The following NDUFAF7 variants were observed in gnomAD, a reference collection of about 807,000 sequenced individuals.
NDUFAF7 encodes NADH:ubiquinone oxidoreductase complex assembly factor 7.
Under a neutral mutation model 47.2 loss-of-function variants are expected in NDUFAF7, and 48 were observed. The ratio of observed to expected loss-of-function variants is 1.02; its 90% confidence interval spans 0.81 to 1.29. The LOEUF (loss-of-function observed/expected upper bound fraction) is 1.29. Ranked by LOEUF, NDUFAF7 falls within the 50% of genes most tolerant of loss-of-function variation. NDUFAF7 has a pLI of 0.00. For synonymous variants in NDUFAF7, 217 were observed against 190.0 expected (o/e 1.14, Z -1.17); for missense variants, 635 against 537.6 (o/e 1.18, Z -1.79).
the NDUFAF7 span, among the ~76,000 whole-genome samples, chr2:37,266,086 T>C: frequency 6.6e-6 from 1 of 152,230 alleles, no homozygotes; most frequent in South Asian, 2.1e-4. Flanking sequence ...TAATATTCTA[T>C]TTAAAGGTAG....
the NDUFAF7 span, chr2:37,267,530 T>A: frequency 6.2e-7 from 1 of 1,601,514 alleles, no homozygotes; most frequent in South Asian, 1.1e-5. Flanking sequence ...AGTCTTTCTA[T>A]GTTTTCCTAT....
In NDUFAF7 at chr2:37,247,498, G is replaced by A. The variant is rs1449217623; in HGVS notation, c.979G>A (p.Gly327Arg). The change falls in exon 9 of 10, where the codon GGA (glycine) becomes AGA (arginine). Residue 327 changes from glycine to arginine, a missense_variant. Coordinates refer to ENST00000002125, the MANE Select transcript of NDUFAF7 (RefSeq NM_144736.5). ...GCTTCATGATGTCTTAATTGCCCCAGGAACAGCAGATCTAACAGCTGATGT... is the reference window on the plus strand; with the variant it reads ...GCTTCATGATGTCTTAATTGCCCCAAGAACAGCAGATCTAACAGCTGATGT... Reference protein sequence around the residue: ...HKLHDVLIAPGTADLTADVDF... With the variant: ...HKLHDVLIAPRTADLTADVDF... 1.2e-6 allele frequency: 2 copies of A among 1,613,908 alleles called. No individual in the cohort carries two copies. Among genetic ancestry groups the A allele is most frequent in the African/African-American group, 2.7e-5 (2 of 74,902 alleles).
downstream of NDUFAF7, chr2:37,257,045 T>C (rs1173717209): frequency 8.9e-6 from 10 of 1,117,588 alleles, no homozygotes; most frequent in Non-Finnish European, 1.3e-5. Context: ...CTACTGATTA[T>C]GAATATTAAT....
Position 37,241,578 on chromosome 2 carries a change from G to C in NDUFAF7, c.409G>C (p.Val137Leu). 6.2e-7 allele frequency: 1 copy of C among 1,611,872 alleles called. No homozygotes were observed. Among genetic ancestry groups the C allele is most frequent in the Admixed American group, 1.7e-5 (1 of 59,878 alleles). ...TTTTTTTTCTTCTTTTGGTATTTAG[G>C]TGTTCACTCAACTTGGATCTGTGCT... ...RGTLVGDILR[V>L]FTQLGSVLKN... Residue 137 changes from valine (V) to leucine (L), a missense_variant and splice_region_variant, in exon 5 of 10, where the codon GTG becomes CTG. Val to Leu is a conservative substitution (Grantham distance 32). Coordinates refer to ENST00000002125, the MANE Select transcript of NDUFAF7 (RefSeq NM_144736.5).
intron 1 of NDUFAF7, 148 bp from the exon 2 acceptor site, chr2:37,231,958 C>T (rs1296439829): frequency 5.6e-6 from 9 of 1,598,346 alleles, no homozygotes; most frequent in South Asian, 2.2e-5. Flanking sequence ...TGTCTCTGCG[C>T]CCCGTGGGCG....
chr2:37,265,190 T>C, the NDUFAF7 span, among the ~76,000 whole-genome samples: 4 of 151,810 alleles, frequency 2.6e-5, no homozygotes, highest in Non-Finnish European at 5.9e-5. Flanking sequence ...GGGGCAAAGA[T>C]GGAAAAGGAA....
At chr2:37,246,975 G>A (rs1666991521) in intron 8 of NDUFAF7, among the ~76,000 whole-genome samples, 1 of 151,978 alleles carries the variant, frequency 6.6e-6, no homozygotes, top group Admixed American at 6.6e-5. Context: ...TGAGGTTTGG[G>A]GTACGAGTGA....
At chr2:37,241,852 G>A (rs1310945199) in intron 5 of NDUFAF7, 61 bp downstream of exon 5, 1 of 1,451,400 alleles carries the variant, frequency 6.9e-7, no homozygotes, top group Non-Finnish European at 9.5e-7. Flanking sequence ...AGTATTGATG[G>A]GACTGTAACT....
At chr2:37,236,950 A>T (rs538612253) in intron 3 of NDUFAF7, among the ~76,000 whole-genome samples, 104 of 152,256 alleles carry the variant, frequency 6.8e-4, no homozygotes, top group African/African-American at 2.4e-3. Flanking sequence ...TTTTAGCCGT[A>T]CTTACAGTAA....
At chr2:37,257,495 C>T (rs965090515), downstream of NDUFAF7, among the ~76,000 whole-genome samples, 8 of 151,842 alleles carry the variant, frequency 5.3e-5, no homozygotes, top group Non-Finnish European at 1.2e-4. Flanking sequence ...GAAACCCCGT[C>T]TCTACTGAAG....
chr2:37,242,940 A>G (rs1666505073), intron 6 of NDUFAF7, among the ~76,000 whole-genome samples: 1 of 152,140 alleles, frequency 6.6e-6, no homozygotes, highest in African/African-American at 2.4e-5. Flanking sequence ...GGAATGAAAA[A>G]TGGTAAGATG....
At chr2:37,267,375 A>G in the NDUFAF7 span, 20 of 1,244,746 alleles carry the variant, frequency 1.6e-5, no homozygotes, top group Middle Eastern at 2.8e-4. Flanking sequence ...GAAGCAGTTA[A>G]TTCAGATTCT....
Position 37,248,120 on chromosome 2 carries a change from T to C in NDUFAF7, c.1111-15T>C, listed in dbSNP as rs1284492007. 1 of 1,595,770 alleles carries C rather than the reference T, an allele frequency of 6.3e-7. No homozygotes were observed. The highest frequency in any genetic ancestry group is 8.6e-7 in the Non-Finnish European group (1 of 1,164,638). ...GTCTTCTGGTTATTTTTGCTAAGAA[T>C]TTTTTTCTTTTCAGGTTCTTTTAGA... On this transcript the variant is annotated splice_polypyrimidine_tract_variant and intron_variant, in intron 9 of 9. Transcript: ENST00000002125.
the NDUFAF7 span, among the ~76,000 whole-genome samples, chr2:37,270,293 T>C: frequency 6.7e-6 from 1 of 149,962 alleles, no homozygotes; most frequent in African/African-American, 2.5e-5. Flanking sequence ...CTAAAAAAAA[T>C]TAAAAATGAA....
intron 6 of NDUFAF7, 32 bp downstream of exon 6, chr2:37,242,725 A>G (rs201829853): frequency 6.7e-7 from 1 of 1,496,324 alleles, no homozygotes; most frequent in East Asian, 2.3e-5. Context: ...CATGTCTATA[A>G]TTGAATACAA....
At chr2:37,237,697 G>A in intron 3 of NDUFAF7, 60 bp from the exon 4 acceptor site, 2 of 1,271,334 alleles carry the variant, frequency 1.6e-6, no homozygotes, top group African/African-American at 3.0e-5. Flanking sequence ...ATTTTATATT[G>A]TGGTATACTT....
At position 37,248,603 on chromosome 2, in the gene NDUFAF7, T is replaced by C; in HGVS notation, c.*253T>C. On this transcript the variant is annotated 3_prime_UTR_variant, in exon 10 of 10. Transcript: ENST00000002125. The stretch of plus-strand genomic sequence containing the variant: ...TTAACTTACAAAGCTAGTTGCCATA[T>C]TTCTATTTTATTTTAAAAAGTAAAC... 2.1e-6 allele frequency: 1 copy of C among 487,212 alleles called. No individual in the cohort carries two copies. The highest frequency in any genetic ancestry group is 3.7e-6 in the Non-Finnish European group (1 of 268,744). 30.2% of individuals were successfully genotyped at this position (487,212 alleles called of 1,614,324 possible).
Position 37,232,153 on chromosome 2 carries a change from C to T in NDUFAF7, c.103C>T (p.Pro35Ser). 1 of 1,614,218 alleles carries T rather than the reference C, an allele frequency of 6.2e-7. No homozygotes were observed. Among genetic ancestry groups the T allele is most frequent in the Non-Finnish European group, 8.5e-7 (1 of 1,180,042 alleles). Reference sequence around the variant, plus strand: ...GAAATACTTCAGCTCCGGGAATGAGCCTGCAGAAAACCCGGTGACGCCGAT... The same window carrying T: ...GAAATACTTCAGCTCCGGGAATGAGTCTGCAGAAAACCCGGTGACGCCGAT... ...RGKYFSSGNE[P>S]AENPVTPMLR... Residue 35 changes from proline to serine, a missense_variant, in exon 2 of 10, where the codon CCT becomes TCT. Pro to Ser is a moderately conservative substitution (Grantham distance 74). Transcript: ENST00000002125.
chr2:37,256,628 A>ATTTTTTTT (rs56389006), downstream of NDUFAF7: 13 of 1,202,296 alleles, frequency 1.1e-5, no homozygotes, highest in South Asian at 1.6e-4. Flanking sequence ...CATAGCCAAA[A>ATTTTTTTT]TTTTTTTTTT....
Sources: gnomAD v4.1 joint callset for allele counts (sites outside exome capture counted in the v4.1 genomes callset) on GRCh38, gnomAD v4.1.1 for gene constraint, MANE v1.5 for transcripts, NCBI Gene and HGNC (gene_info 2026-07-23, HGNC 2026-07-21) for gene names.